The following DNAH9 variants were observed in gnomAD, a reference collection of about 807,000 sequenced individuals.
The protein encoded by DNAH9 is dynein axonemal heavy chain 9, also known as DNAH9 variant protein.
DNAH9 carries 345 observed loss-of-function variants against 471.6 expected under a neutral mutation model. The ratio of observed to expected loss-of-function variants is 0.73; its 90% CI spans 0.67 to 0.80. The LOEUF is 0.80. Among genes scored for constraint, DNAH9 ranks in the 30% least tolerant of loss-of-function variants. The pLI, the probability that DNAH9 is intolerant of heterozygous loss-of-function variation, is 0.00. For synonymous variants in DNAH9, 2,093 were observed against 2,123.6 expected (o/e 0.99, Z 0.40); for missense variants, 5,407 against 5,609.2 (o/e 0.96, Z 1.15).
chr17:11,785,793 G>C (rs1194321290), intron 41 of DNAH9, among the ~76,000 whole-genome samples: 2 of 152,200 alleles, frequency 1.3e-5, no homozygotes, highest in Non-Finnish European at 2.9e-5. Context: ...CTAGGTCTTT[G>C]GGTTCCTGGC....
chr17:11,822,567 C>T lies in DNAH9; in HGVS notation c.8980C>T (p.Leu2994Phe), dbSNP rs748877080. The part of the protein sequence containing the change: ...WPQQALESVS[L>F]RFLQNTEGIE... ...TCAGCAAGCATTGGAGTCTGTCAGC[C>T]TCCGCTTCTTGCAGAACACAGAGGG... The change falls in exon 47 of 69, where the codon CTC becomes TTC. Residue 2994 changes from leucine (L) to phenylalanine (F), a missense_variant. Leu to Phe is a conservative substitution (Grantham distance 22, BLOSUM62 0). This residue lies in a region of DNAH9 where 4,636 missense variants were observed against 4,900.3 expected (regional missense o/e 0.95). Transcript: ENST00000262442. 1 of 1,614,064 alleles carries T rather than the reference C, an allele frequency of 6.2e-7. No homozygotes were observed. The highest frequency in any genetic ancestry group is 1.3e-5 in the African/African-American group (1 of 74,922).
intron 61 of DNAH9, among the ~76,000 whole-genome samples, chr17:11,914,428 C>G (rs1043269890): frequency 1.6e-4 from 25 of 152,102 alleles, no homozygotes; most frequent in Non-Finnish European, 2.2e-4. Flanking sequence ...CATCCTGGGA[C>G]CTATTTTCTT....
Position 11,794,170 on chromosome 17 carries a change from G to A in DNAH9, c.8223+506G>A, listed in dbSNP as rs575157169. On this transcript the variant is annotated intron_variant, in intron 42 of 68. Transcript: ENST00000262442. ...TGCCATTCTCCTGCCTCAGCCTCCC[G>A]AGTAGCTGGGACTACAGGCACCCGC... Among the ~76,000 whole-genome samples, 23 of 147,764 alleles carry A rather than the reference G, an allele frequency of 1.6e-4. No homozygotes were observed. In the East Asian group the frequency reaches 3.9e-3, roughly 25 times the overall value.
intron 49 of DNAH9, among the ~76,000 whole-genome samples, chr17:11,850,732 G>T (rs1971390685): frequency 6.6e-6 from 1 of 151,672 alleles, no homozygotes; most frequent in South Asian, 2.1e-4. Context: ...CATGAGAGTT[G>T]ACTTGAGGGC....
intron 49 of DNAH9, among the ~76,000 whole-genome samples, chr17:11,843,861 G>A (rs55811214): frequency 0.52 from 26,384 of 50,510 alleles, 4,976 homozygotes; most frequent in Non-Finnish European, 0.6. Flanking sequence ...GTGTGTGTGT[G>A]TGTATATATA....
Position 11,870,292 on chromosome 17 carries a change from G to A in DNAH9, c.10053+1039G>A, listed in dbSNP as rs142976595. Among the ~76,000 whole-genome samples, 134 of 152,290 alleles carry A rather than the reference G, an allele frequency of 8.8e-4. 1 individual carries two copies. The highest frequency in any genetic ancestry group is 4.1e-3 in the South Asian group (20 of 4,824). On this transcript the variant is annotated intron_variant, in intron 51 of 68. Transcript: ENST00000262442. ...ATTTACAGCCTTTTAAATCTCCTAT[G>A]GCTTGTATTTCTCATCCCATATATC...
chr17:11,752,748 GT>G, intron 32 of DNAH9, 84 bp from the exon 33 acceptor site: 14 of 1,149,210 alleles, frequency 1.2e-5, no homozygotes, highest in Non-Finnish European at 1.7e-5. Context: ...CCTTCTGTGT[GT>G]TGTAGCTAAA....
intron 51 of DNAH9, among the ~76,000 whole-genome samples, chr17:11,870,310 C>T (rs1009852619): frequency 6.6e-6 from 1 of 152,220 alleles, no homozygotes; most frequent in Non-Finnish European, 1.5e-5. Flanking sequence ...TTTCTCATCC[C>T]ATATATCAGC....
intron 67 of DNAH9, among the ~76,000 whole-genome samples, chr17:11,947,772 A>ATTTTTT (rs71367359): frequency 2.8e-5 from 3 of 108,344 alleles, no homozygotes; most frequent in Non-Finnish European, 5.3e-5. Context: ...GCTGGGAACT[A>ATTTTTT]TTTTTTTTTT....
chr17:11,835,940 C>T (rs190339908), intron 49 of DNAH9, among the ~76,000 whole-genome samples: 2 of 152,320 alleles, frequency 1.3e-5, no homozygotes, highest in Admixed American at 1.3e-4. Context: ...TGCCTCGGAG[C>T]TAGCCCGCTA....
chr17:11,737,985 A>G (rs2075374524), intron 28 of DNAH9, among the ~76,000 whole-genome samples: 1 of 152,164 alleles, frequency 6.6e-6, no homozygotes, highest in African/African-American at 2.4e-5. Context: ...ACTTTATTTC[A>G]TTTACTTAGA....
chr17:11,773,251 G>A (rs1968288222), intron 38 of DNAH9, among the ~76,000 whole-genome samples: 1 of 152,164 alleles, frequency 6.6e-6, no homozygotes, highest in South Asian at 2.1e-4. Flanking sequence ...AGTTGGATGT[G>A]AGGTGGCATA....
At chr17:11,938,234 C>A (rs1344043382) in intron 66 of DNAH9, among the ~76,000 whole-genome samples, 1 of 151,806 alleles carries the variant, frequency 6.6e-6, no homozygotes, top group Non-Finnish European at 1.5e-5. Flanking sequence ...CCAAGGCGGG[C>A]AGATCATGAG....
At chr17:11,756,793 G>A (rs879051107) in intron 34 of DNAH9, 117 bp downstream of exon 34, 141 of 680,672 alleles carry the variant, frequency 2.1e-4, no homozygotes, top group African/African-American at 1.4e-3. Context: ...GAAGCCTCAC[G>A]TGCAGTTTTG....
In DNAH9 at chr17:11,598,482, G is replaced by C. The variant is rs2072304105; in HGVS notation, c.-17G>C. 3 of 1,359,462 alleles carry C rather than the reference G, an allele frequency of 2.2e-6. No individual in the cohort carries two copies. In the East Asian group the frequency reaches 9.1e-5, roughly 41 times the overall value. 84.2% of individuals were successfully genotyped at this position (1,359,462 alleles called of 1,614,324 possible). A position where few individuals can be genotyped will look rare whatever the true frequency, so the allele number is the denominator to read the frequency against. On this transcript the variant is annotated 5_prime_UTR_variant, in exon 1 of 69. Transcript: ENST00000262442. Reference sequence around the variant, plus strand: ...CCCCGTCGCTAGGGAAACCGATGCAGCTGGAGGCCGCGCGCGATGCGGCTC... The same window carrying C: ...CCCCGTCGCTAGGGAAACCGATGCACCTGGAGGCCGCGCGCGATGCGGCTC...
intron 17 of DNAH9, among the ~76,000 whole-genome samples, chr17:11,677,287 A>AT (rs2074063841): frequency 6.6e-6 from 1 of 152,010 alleles, no homozygotes; most frequent in Non-Finnish European, 1.5e-5. Flanking sequence ...TCTCCTTGTA[A>AT]TTCTGTAAAT....
rs2032508739 is a variant in DNAH9 at position 11,822,922 on chromosome 17, T to C, written c.9134T>C (p.Leu3045Pro). 22 of 1,614,098 alleles carry C rather than the reference T, an allele frequency of 1.4e-5. No homozygotes were observed. The highest frequency in any genetic ancestry group is 1.9e-5 in the Non-Finnish European group (22 of 1,180,044). Reference sequence around the variant, plus strand: ...AACTATACAACTCCCAAGTCCTTTCTGGAGTTCATCAGACTCTACCAGAGC... The same window carrying C: ...AACTATACAACTCCCAAGTCCTTTCCGGAGTTCATCAGACTCTACCAGAGC... ...RYNYTTPKSF[L>P]EFIRLYQSLL... Residue 3045 changes from leucine (L) to proline (P), a missense_variant, in exon 48 of 69, where the codon CTG becomes CCG. Transcript: ENST00000262442.
At chr17:11,748,540 G>A (rs763453262) in intron 32 of DNAH9, among the ~76,000 whole-genome samples, 27 of 152,242 alleles carry the variant, frequency 1.8e-4, no homozygotes, top group Non-Finnish European at 3.5e-4. Flanking sequence ...CAGCAGTGAT[G>A]GGGAAGCTGC....
intron 50 of DNAH9, among the ~76,000 whole-genome samples, chr17:11,863,309 A>G (rs1269292721): frequency 1.3e-5 from 2 of 152,132 alleles, no homozygotes; most frequent in Non-Finnish European, 2.9e-5. Flanking sequence ...TTCTGTTTAT[A>G]TGCTGGATTA....
Sources: allele counts gnomAD v4.1 joint callset (sites outside exome capture counted in the v4.1 genomes callset), GRCh38; gene constraint gnomAD v4.1.1; regional missense constraint gnomAD v4.1.1; transcripts MANE v1.5; gene names NCBI Gene and HGNC (gene_info 2026-07-23, HGNC 2026-07-21).